Variants in PKHD1 observed in about 807,000 individuals in gnomAD.
PKHD1 encodes the protein PKHD1 ciliary IPT domain containing fibrocystin/polyductin.
PKHD1 carries 291 observed loss-of-function variants against 412.0 expected under a neutral mutation model. The ratio of observed to expected loss-of-function variants is 0.71; its 90% CI spans 0.64 to 0.78. The LOEUF (loss-of-function observed/expected upper bound fraction) is 0.78, where lower values mean the gene tolerates loss of function less well. Among genes scored for constraint, PKHD1 ranks in the 30% least tolerant of loss-of-function variants. PKHD1 has a pLI of 0.00. For synonymous variants in PKHD1, 1,777 were observed against 1,821.5 expected, an observed-to-expected ratio of 0.98 and a Z score of 0.62; for missense variants, 4,825 against 4,950.7, an observed-to-expected ratio of 0.97 and a Z score of 0.76.
intron 60 of PKHD1, among the ~76,000 whole-genome samples, chr6:51,693,821 T>C (rs1778458528): frequency 6.6e-6 from 1 of 152,208 alleles, no homozygotes; most frequent in African/African-American, 2.4e-5. Flanking sequence ...TTTATAAGCA[T>C]TAATTCATTT....
chr6:51,647,798 C>T (rs185007459), intron 63 of PKHD1, among the ~76,000 whole-genome samples: 87 of 152,160 alleles, frequency 5.7e-4, no homozygotes, highest in African/African-American at 1.8e-3. Flanking sequence ...GGAAAGGTTG[C>T]TTTATTGTGA....
chr6:51,782,470 G>A (rs541755099), intron 53 of PKHD1, among the ~76,000 whole-genome samples: 1 of 152,242 alleles, frequency 6.6e-6, no homozygotes, highest in African/African-American at 2.4e-5. Flanking sequence ...AAGGGGCAAA[G>A]GTTTTACACT....
chr6:51,698,442 CT>C (rs1779051052), intron 60 of PKHD1, among the ~76,000 whole-genome samples: 2 of 152,164 alleles, frequency 1.3e-5, no homozygotes, highest in Non-Finnish European at 2.9e-5. Flanking sequence ...GAGATTAACA[CT>C]ACATGAAACA....
chr6:51,950,220 A>AAAAAAAATATATATATATATAT, intron 36 of PKHD1, among the ~76,000 whole-genome samples: 108 of 98,270 alleles, frequency 1.1e-3, no homozygotes, highest in East Asian at 7.0e-3. Flanking sequence ...GAAAAAAAAA[A>AAAAAAAATATATATATATATAT]ATATATATAT....
At chr6:52,033,872 T>C (rs750956408) in intron 28 of PKHD1, among the ~76,000 whole-genome samples, 1 of 152,118 alleles carries the variant, frequency 6.6e-6, no homozygotes, top group Non-Finnish European at 1.5e-5. Flanking sequence ...CTCACACCTG[T>C]AATCCCAGCA....
At chr6:51,666,049 AG>A (rs1773709530) in intron 60 of PKHD1, among the ~76,000 whole-genome samples, 1 of 152,152 alleles carries the variant, frequency 6.6e-6, no homozygotes, top group Non-Finnish European at 1.5e-5. Context: ...GATGAGGGGC[AG>A]GAAAGTTGGG....
intron 55 of PKHD1, among the ~76,000 whole-genome samples, chr6:51,768,198 T>C (rs1789464772): frequency 6.6e-6 from 1 of 152,092 alleles, no homozygotes; most frequent in Admixed American, 6.6e-5. Flanking sequence ...TTGAGTTCAT[T>C]GTAGATTCTG....
chr6:51,836,524 A>G, intron 50 of PKHD1, 55 bp from the exon 51 acceptor site: 1 of 1,232,556 alleles, frequency 8.1e-7, no homozygotes, highest in Non-Finnish European at 1.2e-6. Context: ...TTAATATTAA[A>G]GACAGTCACA....
At chr6:51,649,457 G>A (rs991420538) in intron 61 of PKHD1, among the ~76,000 whole-genome samples, 2 of 152,076 alleles carry the variant, frequency 1.3e-5, no homozygotes, top group Middle Eastern at 3.4e-3. Context: ...CACAAATTAT[G>A]AGCATATATT....
chr6:51,740,243 C>T (rs1784400734), intron 60 of PKHD1, among the ~76,000 whole-genome samples: 1 of 152,188 alleles, frequency 6.6e-6, no homozygotes, highest in Admixed American at 6.5e-5. Context: ...TCCTGCATTA[C>T]ACAGATAGCA....
At chr6:51,688,614 A>G (rs1272724103) in intron 60 of PKHD1, among the ~76,000 whole-genome samples, 1 of 152,112 alleles carries the variant, frequency 6.6e-6, no homozygotes, top group Non-Finnish European at 1.5e-5. Context: ...GAAAAGAGAG[A>G]AGATTCAAAT....
intron 66 of PKHD1, among the ~76,000 whole-genome samples, chr6:51,620,802 A>ATATATATATATATG (rs1554164003): frequency 7.1e-6 from 1 of 141,556 alleles, no homozygotes; most frequent in Admixed American, 7.1e-5. Flanking sequence ...ATATATATGT[A>ATATATATATATATG]TATATATATA....
In PKHD1 at chr6:52,042,901, G is replaced by T; in HGVS notation, c.3055C>A (p.Pro1019Thr). The T allele has an allele frequency of 1.2e-6, 2 of 1,613,942 alleles. No homozygotes were observed. The highest frequency in any genetic ancestry group is 1.7e-6 in the Non-Finnish European group (2 of 1,179,858). Residue 1019 changes from proline (P) to threonine (T), a missense_variant, in exon 27 of 67, where the codon CCT (proline) becomes ACT (threonine). By Grantham distance (38) the Pro-to-Thr change is conservative. Coordinates refer to ENST00000371117, the MANE Select transcript of PKHD1 (RefSeq NM_138694.4). ...GAAGGCTCCACCATATCCAGTCTAGGTTTCACATTTAGGAAGAGGTCTTCT... is the reference window on the plus strand; with the variant it reads ...GAAGGCTCCACCATATCCAGTCTAGTTTTCACATTTAGGAAGAGGTCTTCT... The part of the protein sequence containing the change: ...TGEDLFLNVK[P>T]RLDMVEPSRA...
chr6:51,970,278 T>A (rs1182438499), intron 35 of PKHD1, among the ~76,000 whole-genome samples: 1 of 152,198 alleles, frequency 6.6e-6, no homozygotes, highest in Non-Finnish European at 1.5e-5. Flanking sequence ...TACTTTTTAA[T>A]AGGGTTGTTC....
At chr6:51,722,148 C>A (rs1055159525) in intron 60 of PKHD1, 1 of 1,508,734 alleles carries the variant, frequency 6.6e-7, no homozygotes, top group African/African-American at 1.4e-5. Flanking sequence ...CTTGTAATAT[C>A]CGAGCTCTTT....
chr6:51,828,263 T>C (rs1767665271), intron 52 of PKHD1, among the ~76,000 whole-genome samples: 1 of 152,108 alleles, frequency 6.6e-6, no homozygotes, highest in African/African-American at 2.4e-5. Context: ...CAAAGCTTCT[T>C]TACTTACTGG....
At position 52,017,601 on chromosome 6, in the gene PKHD1, CT is replaced by C; in HGVS notation, c.5408del (p.Lys1803SerfsTer19). ...CAGCCTCACAGCTGTCCTCCTCACG[CT>C]TCAGGCCACACAGGAAGGCCAAGGA... The part of the protein sequence containing the change: ...DVSLAFLCGL[K>X]REEDSCEAAR... On this transcript the variant is annotated frameshift_variant, in exon 34 of 67. Transcript: ENST00000371117. LOFTEE classifies it high-confidence loss of function. 1 of 1,613,818 alleles carries C rather than the reference CT, an allele frequency of 6.2e-7. No individual in the cohort carries two copies. The highest frequency in any genetic ancestry group is 8.5e-7 in the Non-Finnish European group (1 of 1,179,946).
chr6:52,060,090 C>T (rs1808446950), intron 14 of PKHD1, 48 bp from the exon 15 acceptor site: 2 of 1,010,358 alleles, frequency 2.0e-6, no homozygotes, highest in East Asian at 4.7e-5. Context: ...AGGCCTGAAT[C>T]ACTGAACCAA....
chr6:51,914,043 G>A (rs151293758), intron 37 of PKHD1, among the ~76,000 whole-genome samples: 1 of 151,998 alleles, frequency 6.6e-6, no homozygotes, highest in Non-Finnish European at 1.5e-5. Flanking sequence ...TGCCTACATA[G>A]AAAAATCTCT....
Sources: allele counts gnomAD v4.1 joint callset (sites outside exome capture counted in the v4.1 genomes callset), GRCh38; gene constraint gnomAD v4.1.1; transcripts MANE v1.5; gene names NCBI Gene and HGNC (gene_info 2026-07-23, HGNC 2026-07-21).